Variants in PRKN observed in about 807,000 individuals in gnomAD.
PRKN encodes parkin RBR E3 ubiquitin protein ligase, also known as E3 ubiquitin-protein ligase parkin.
Under a neutral mutation model 59.5 loss-of-function variants are expected in PRKN, and 56 were observed. The ratio of observed to expected loss-of-function variants is 0.94; its 90% CI spans 0.76 to 1.18. PRKN has a LOEUF of 1.18. PRKN is among the 50% of genes most tolerant of loss of function. The pLI is 0.00. For synonymous variants in PRKN, 250 were observed against 222.1 expected (o/e 1.13, Z -1.12); for missense variants, 657 against 596.4 (o/e 1.10, Z -1.06).
intron 7 of PRKN, among the ~76,000 whole-genome samples, chr6:161,654,814 C>T (rs1350443942): frequency 6.6e-6 from 1 of 152,208 alleles, no homozygotes; most frequent in Admixed American, 6.5e-5. Flanking sequence ...GCCACAGGGG[C>T]ATAACCAGCT....
intron 7 of PRKN, among the ~76,000 whole-genome samples, chr6:161,597,813 G>T (rs2128142593): frequency 6.6e-6 from 1 of 150,538 alleles, no homozygotes; most frequent in East Asian, 2.0e-4. Context: ...TAAATAAAAG[G>T]TCTGTCCTCT....
At chr6:162,584,773 T>TTCCTC (rs370549659) in intron 1 of PRKN, among the ~76,000 whole-genome samples, 2,011 of 104,938 alleles carry the variant, frequency 0.019, 216 homozygotes, top group East Asian at 0.058. Flanking sequence ...CTCTTTTCTT[T>TTCCTC]TCCTCTCCTC....
At chr6:162,082,955 T>C (rs1022051398) in intron 4 of PRKN, among the ~76,000 whole-genome samples, 3 of 152,114 alleles carry the variant, frequency 2.0e-5, no homozygotes, top group African/African-American at 7.2e-5. Flanking sequence ...ATTATTAGAA[T>C]AAATTTCATT....
intron 2 of PRKN, among the ~76,000 whole-genome samples, chr6:162,425,917 T>C (rs1789217733): frequency 6.6e-6 from 1 of 152,144 alleles, no homozygotes; most frequent in African/African-American, 2.4e-5. Context: ...GCTGAACGCA[T>C]GGATGTGATA....
At chr6:161,856,763 GTTTC>G (rs1316571556) in intron 6 of PRKN, among the ~76,000 whole-genome samples, 1 of 151,984 alleles carries the variant, frequency 6.6e-6, no homozygotes, top group Non-Finnish European at 1.5e-5. Flanking sequence ...TCACTCATCT[GTTTC>G]TTTATTCTTG....
intron 7 of PRKN, among the ~76,000 whole-genome samples, chr6:161,697,467 C>T (rs779706892): frequency 2.0e-5 from 3 of 152,284 alleles, no homozygotes; most frequent in African/African-American, 7.2e-5. Flanking sequence ...ACAACCTGGG[C>T]TCCTACAATA....
chr6:162,505,352 G>GC (rs1793564127), intron 1 of PRKN, among the ~76,000 whole-genome samples: 1 of 152,114 alleles, frequency 6.6e-6, no homozygotes, highest in Non-Finnish European at 1.5e-5. Context: ...GGCATGGCAT[G>GC]CCCCTATTAA....
rs1787322764 is a variant in PRKN, at chr6:161,407,305, T to C, written c.1084-20428A>G. ...GATAAATAAGAAACAATATTGCTTC[T>C]CATTTGGCAAAGCTGAAAAGGGAGG... On this transcript the variant is annotated intron_variant, in intron 9 of 11. Transcript: ENST00000366898. The surrounding 1 kb of genome is among the most constrained non-coding windows in gnomAD (Gnocchi z 4.9). Among the ~76,000 whole-genome samples the C allele has an allele frequency of 1.3e-5, 2 of 151,956 alleles. No homozygotes were observed. The highest frequency in any genetic ancestry group is 1.3e-4 in the Admixed American group (2 of 15,270).
intron 6 of PRKN, among the ~76,000 whole-genome samples, chr6:161,923,880 CTT>C (rs1249228932): frequency 1.3e-5 from 2 of 152,168 alleles, no homozygotes; most frequent in Admixed American, 1.3e-4. Flanking sequence ...GCCTGGTACT[CTT>C]TGTACTTTGC....
At chr6:162,350,338 T>C (rs1784573249) in intron 2 of PRKN, among the ~76,000 whole-genome samples, 1 of 152,214 alleles carries the variant, frequency 6.6e-6, no homozygotes, top group Admixed American at 6.5e-5. Flanking sequence ...TTTATTTATT[T>C]TAGAAACTGA....
intron 3 of PRKN, among the ~76,000 whole-genome samples, chr6:162,217,311 C>A (rs551631992): frequency 8.5e-5 from 13 of 152,256 alleles, no homozygotes; most frequent in African/African-American, 3.1e-4. Flanking sequence ...ACACACACAT[C>A]CACATGTTCC....
At chr6:162,592,076 T>C (rs1484924863) in intron 1 of PRKN, among the ~76,000 whole-genome samples, 1 of 152,202 alleles carries the variant, frequency 6.6e-6, no homozygotes, top group East Asian at 1.9e-4. Context: ...CCTGGCTCAC[T>C]GCAACCTCCA....
chr6:162,169,305 A>T (rs1783145870), intron 4 of PRKN, among the ~76,000 whole-genome samples: 1 of 152,160 alleles, frequency 6.6e-6, no homozygotes, highest in Non-Finnish European at 1.5e-5. Context: ...TCTTTCCTTC[A>T]GTTTCTTCAG....
At chr6:162,571,323 CAA>C (rs67519540) in intron 1 of PRKN, 71,194 of 118,800 alleles carry the variant, frequency 0.6, 18,274 homozygotes, top group East Asian at 0.73. Flanking sequence ...AAACTCATTT[CAA>C]AAAAAAAAAA....
intron 7 of PRKN, among the ~76,000 whole-genome samples, chr6:161,777,501 G>A (rs1789974888): frequency 6.6e-6 from 1 of 151,640 alleles, no homozygotes; most frequent in Middle Eastern, 3.2e-3. Context: ...GATGGAAACA[G>A]AAAAGAACAT....
At chr6:162,664,330 T>C (rs556953984) in intron 1 of PRKN, among the ~76,000 whole-genome samples, 1 of 152,348 alleles carries the variant, frequency 6.6e-6, no homozygotes, top group African/African-American at 2.4e-5. Context: ...TCTTTGCTAT[T>C]GTGAACAGTG....
chr6:161,602,713 C>T (rs1342398922), intron 7 of PRKN, among the ~76,000 whole-genome samples: 1 of 152,202 alleles, frequency 6.6e-6, no homozygotes, highest in East Asian at 1.9e-4. Flanking sequence ...CTTGTATTTA[C>T]TTCATTTCAA....
chr6:161,776,012 G>A (rs1196066695), intron 7 of PRKN, among the ~76,000 whole-genome samples: 6 of 152,158 alleles, frequency 3.9e-5, no homozygotes, highest in East Asian at 1.9e-4. Flanking sequence ...AAACATAACC[G>A]ATGGACTTGA....
intron 9 of PRKN, among the ~76,000 whole-genome samples, chr6:161,523,152 G>T (rs919718452): frequency 6.6e-6 from 1 of 152,044 alleles, no homozygotes; most frequent in African/African-American, 2.4e-5. Flanking sequence ...TAAAGACATG[G>T]TTGAATCCAG....
Sources: gnomAD v4.1 joint callset for allele counts (sites outside exome capture counted in the v4.1 genomes callset) on GRCh38, gnomAD v4.1.1 for gene constraint, Gnocchi (gnomAD v3.1) non-coding constraint, MANE v1.5 for transcripts, NCBI Gene and HGNC (gene_info 2026-07-23, HGNC 2026-07-21) for gene names.